Variants in MEF2C observed in about 807,000 individuals in gnomAD.
The protein encoded by MEF2C is myocyte enhancer factor 2C, also known as myocyte-specific enhancer factor 2C.
A neutral mutation model predicts 50.5 loss-of-function variants in MEF2C; 6 were observed. The ratio of observed to expected loss-of-function variants is 0.12; its 90% CI spans 0.07 to 0.23. MEF2C has a LOEUF of 0.23. MEF2C is among the 10% of genes least tolerant of loss of function. MEF2C has a pLI of 1.00. For missense variants in MEF2C, 276 were observed against 605.0 expected, an observed-to-expected ratio of 0.46 and a Z score of 5.70; for synonymous variants, 183 against 228.0, an observed-to-expected ratio of 0.80 and a Z score of 1.78.
chr5:88,734,055 T>A, intron 6 of MEF2C: 1 of 985,138 alleles, frequency 1.0e-6, no homozygotes, highest in Non-Finnish European at 1.2e-6. Flanking sequence ...AGAGAGTATG[T>A]TCACTTAAAA....
intron 10 of MEF2C, among the ~76,000 whole-genome samples, chr5:88,723,327 CT>C (rs1483117830): frequency 4.6e-5 from 7 of 152,220 alleles, no homozygotes; most frequent in Admixed American, 4.6e-4. Flanking sequence ...TGGAATTAGA[CT>C]TCCTTGATTT....
chr5:88,797,333 A>C (rs1580857478), intron 3 of MEF2C, among the ~76,000 whole-genome samples: 1 of 151,952 alleles, frequency 6.6e-6, no homozygotes, highest in East Asian at 1.9e-4. Flanking sequence ...TATATATTTA[A>C]GATAGTTAGC....
upstream of MEF2C, among the ~76,000 whole-genome samples, chr5:88,886,019 A>G (rs1263411326): frequency 6.6e-6 from 1 of 152,242 alleles, no homozygotes; most frequent in African/African-American, 2.4e-5. Context: ...AAAAATAAGT[A>G]TAACCCCACA....
intron 2 of MEF2C, among the ~76,000 whole-genome samples, chr5:88,813,638 A>G (rs1174316012): frequency 1.3e-5 from 2 of 152,144 alleles, no homozygotes; most frequent in Non-Finnish European, 2.9e-5. Context: ...CCTCAGACAT[A>G]TCACTAAGGG....
chr5:88,731,706 T>G, intron 7 of MEF2C, 23 bp downstream of exon 7: 1 of 1,597,814 alleles, frequency 6.3e-7, no homozygotes, highest in Non-Finnish European at 8.6e-7. Flanking sequence ...TCAATATTTA[T>G]TTAAAATGTA....
chr5:88,745,843 G>T (rs1033034554), intron 6 of MEF2C, among the ~76,000 whole-genome samples: 1 of 152,118 alleles, frequency 6.6e-6, no homozygotes, highest in Non-Finnish European at 1.5e-5. Flanking sequence ...CACACAGTAT[G>T]GGACCTGACT....
chr5:88,796,033 C>T (rs1795892011), intron 3 of MEF2C, among the ~76,000 whole-genome samples: 1 of 152,050 alleles, frequency 6.6e-6, no homozygotes, highest in African/African-American at 2.4e-5. Flanking sequence ...CTGCTGGATT[C>T]GGTTTGCCAG....
At chr5:88,734,697 A>T (rs1763394625) in intron 6 of MEF2C, 1 of 984,070 alleles carries the variant, frequency 1.0e-6, no homozygotes, top group Non-Finnish European at 1.2e-6. Flanking sequence ...AGGGGAAAAA[A>T]AAGTAAATAT....
intron 2 of MEF2C, 62 bp downstream of exon 2, chr5:88,823,673 T>G: frequency 6.9e-7 from 1 of 1,457,534 alleles, no homozygotes; most frequent in East Asian, 2.3e-5. Context: ...TCTGTACCCT[T>G]AACATATGTG....
chr5:88,826,076 T>A (rs1810737182), intron 1 of MEF2C, among the ~76,000 whole-genome samples: 2 of 151,964 alleles, frequency 1.3e-5, no homozygotes, highest in Non-Finnish European at 2.9e-5. Flanking sequence ...GAGTTCCTGA[T>A]GAACCAAACT....
intron 3 of MEF2C, among the ~76,000 whole-genome samples, chr5:88,778,545 A>G (rs1786072383): frequency 1.3e-5 from 2 of 152,072 alleles, no homozygotes; most frequent in South Asian, 2.1e-4. Flanking sequence ...TTATGGAGAA[A>G]CTATTGTTTC....
chr5:88,898,749 A>G (rs1304452109), intron 1 of MEF2C, among the ~76,000 whole-genome samples: 2 of 152,228 alleles, frequency 1.3e-5, no homozygotes, highest in East Asian at 3.8e-4. Flanking sequence ...GAACATAAAA[A>G]TAGCAATAAT....
upstream of MEF2C, among the ~76,000 whole-genome samples, chr5:88,884,863 CAACT>C (rs1833896065): frequency 6.7e-6 from 1 of 149,636 alleles, no homozygotes; most frequent in South Asian, 2.1e-4. Flanking sequence ...CCGCCCTAAC[CAACT>C]GTTAATATAT....
intron 1 of MEF2C, among the ~76,000 whole-genome samples, chr5:88,902,648 AT>A (rs1244143995): frequency 2.6e-5 from 4 of 151,350 alleles, no homozygotes; most frequent in African/African-American, 9.7e-5. Context: ...GTCAGACCTT[AT>A]TTTTTTTCCA....
At chr5:88,833,826 G>A (rs1405198109) in intron 1 of MEF2C, among the ~76,000 whole-genome samples, 1 of 151,924 alleles carries the variant, frequency 6.6e-6, no homozygotes, top group Non-Finnish European at 1.5e-5. Context: ...TTATAAGTTT[G>A]GGGTTATGGC....
chr5:88,728,731 T>TATA (rs1760026567), intron 9 of MEF2C, 103 bp from the exon 10 acceptor site: 1 of 811,706 alleles, frequency 1.2e-6, no homozygotes, highest in South Asian at 5.3e-5. Context: ...CTATTAGGAT[T>TATA]ATCGTTATTA....
intron 1 of MEF2C, chr5:88,825,756 T>C (rs2153224775): frequency 2.5e-6 from 1 of 400,972 alleles, no homozygotes; most frequent in Non-Finnish European, 3.4e-6. Flanking sequence ...GTATTTCCCA[T>C]GCACGTTTAA....
At chr5:88,813,199 A>G (rs1316669542) in intron 2 of MEF2C, among the ~76,000 whole-genome samples, 1 of 151,884 alleles carries the variant, frequency 6.6e-6, no homozygotes, top group Non-Finnish European at 1.5e-5. Context: ...GGCACAAACT[A>G]GTTCTATATT....
chr5:88,865,296 C>T (rs186231723), intron 1 of MEF2C, among the ~76,000 whole-genome samples: 2 of 152,294 alleles, frequency 1.3e-5, no homozygotes, highest in African/African-American at 4.8e-5. Flanking sequence ...ATACCTATGA[C>T]CTTGTCACTT....
Sources: allele counts gnomAD v4.1 joint callset (sites outside exome capture counted in the v4.1 genomes callset), GRCh38; gene constraint gnomAD v4.1.1; transcripts MANE v1.5; gene names NCBI Gene and HGNC (gene_info 2026-07-23, HGNC 2026-07-21).